The following LRBA variants were observed in gnomAD, a reference collection of about 807,000 sequenced individuals.
LRBA encodes the protein lipopolysaccharide-responsive and beige-like anchor protein.
Under a neutral mutation model 330.0 loss-of-function variants are expected in LRBA, and 176 were observed. The ratio of observed to expected loss-of-function variants is 0.53; its 90% CI spans 0.47 to 0.60. LRBA has a LOEUF of 0.60. Among genes scored for constraint, LRBA ranks in the 20% least tolerant of loss-of-function variants. LRBA has a pLI of 0.00. For missense variants in LRBA, 3,259 were observed against 3,444.8 expected (o/e 0.95, Z 1.35); for synonymous variants, 1,230 against 1,193.0 (o/e 1.03, Z -0.64).
chr4:150,536,381 A>C (rs1764657713), intron 40 of LRBA, among the ~76,000 whole-genome samples: 1 of 152,190 alleles, frequency 6.6e-6, no homozygotes. Flanking sequence ...AGACATAGAA[A>C]AGTATTTAGG....
intron 36 of LRBA, among the ~76,000 whole-genome samples, chr4:150,730,010 G>T (rs1035285844): frequency 6.6e-6 from 1 of 152,108 alleles, no homozygotes; most frequent in Non-Finnish European, 1.5e-5. Flanking sequence ...ATAGATTAAA[G>T]ACTTAAATCT....
chr4:150,384,978 T>A (rs1412470387), intron 47 of LRBA, among the ~76,000 whole-genome samples: 1 of 152,310 alleles, frequency 6.6e-6, no homozygotes, highest in Admixed American at 6.5e-5. Flanking sequence ...AATCTTTATG[T>A]CCTAAACTAT....
At chr4:150,874,389 T>C (rs1199400559) in intron 17 of LRBA, among the ~76,000 whole-genome samples, 3 of 152,124 alleles carry the variant, frequency 2.0e-5, no homozygotes, top group Non-Finnish European at 4.4e-5. Flanking sequence ...GCACACACAA[T>C]TCAAACTGGA....
rs555134497 is a variant in LRBA, at chr4:150,454,962, G to C, written c.6780+12711C>G. On this transcript the variant is annotated intron_variant, in intron 44 of 56. Coordinates refer to ENST00000651943, the MANE Select transcript of LRBA (RefSeq NM_001364905.1). ...TTATTTTTTTTTATTGCTTACTCCA[G>C]TTTTATTTTATTTTTTATTTTTTTT... is the stretch of plus-strand genomic sequence containing the variant. Among the ~76,000 whole-genome samples the C allele has an allele frequency of 6.2e-4, 86 of 139,396 alleles. 1 individual carries two copies. In the East Asian group the frequency reaches 0.016, roughly 26 times the overall value. The allele number at this position is 139,396 out of a possible 152,430, so 91.4% of individuals were successfully genotyped here.
chr4:150,626,838 T>C (rs1158871853), intron 37 of LRBA, among the ~76,000 whole-genome samples: 1 of 152,154 alleles, frequency 6.6e-6, no homozygotes, highest in Non-Finnish European at 1.5e-5. Context: ...ATTAAAGCTA[T>C]ATAACTTGTG....
At chr4:150,430,281 A>G (rs1271106709) in intron 46 of LRBA, among the ~76,000 whole-genome samples, 1 of 152,184 alleles carries the variant, frequency 6.6e-6, no homozygotes, top group Non-Finnish European at 1.5e-5. Flanking sequence ...CAAGGGCAAT[A>G]CATATGTCAA....
At chr4:150,495,068 A>T (rs1240284078) in intron 40 of LRBA, among the ~76,000 whole-genome samples, 2 of 151,992 alleles carry the variant, frequency 1.3e-5, no homozygotes, top group Admixed American at 1.3e-4. Flanking sequence ...AAATCATAAC[A>T]CTTTGCCATA....
At position 150,302,643 on chromosome 4, in the gene LRBA, T is replaced by G. The variant is rs1203527096; in HGVS notation, c.7999A>C (p.Ile2667Leu). The G allele has an allele frequency of 4.3e-6, 7 of 1,609,612 alleles. No individual in the cohort carries two copies. The Admixed American group carries it at 1.0e-4, about 23-fold the overall frequency. The change falls in exon 53 of 57, where the codon ATT becomes CTT. Residue 2667 changes from isoleucine (I) to leucine (L), a missense_variant. Coordinates refer to ENST00000651943, the MANE Select transcript of LRBA (RefSeq NM_001364905.1). Reference protein sequence around the residue: ...LWYWNGKCSGIGDNPGSETAA... With the variant: ...LWYWNGKCSGLGDNPGSETAA... Reference sequence around the variant, plus strand: ...TACTTACTGCCTGGGTTATCTCCAATCCCACTGCATTTTCCATTCCAATAC... The same window carrying G: ...TACTTACTGCCTGGGTTATCTCCAAGCCCACTGCATTTTCCATTCCAATAC...
Position 150,429,646 on chromosome 4 carries a change from A to G in LRBA, c.7041+5943T>C, listed in dbSNP as rs549464319. 1.2e-4 allele frequency among the ~76,000 whole-genome samples: 18 copies of G among 152,216 alleles called. No homozygotes were observed. In the South Asian group the frequency reaches 3.3e-3, roughly 28 times the overall value. On this transcript the variant is annotated intron_variant, in intron 46 of 56. Transcript: ENST00000651943. ...ATCAGGAGAAATGCACAGGCTAGAG[A>G]CATAAATGTGGGAGGTCTGTTAGAC...
intron 35 of LRBA, among the ~76,000 whole-genome samples, chr4:150,759,084 T>C (rs1218674375): frequency 6.6e-6 from 1 of 151,110 alleles, no homozygotes; most frequent in Non-Finnish European, 1.5e-5. Context: ...ACCAGGCTAA[T>C]TGTTTGCATT....
At chr4:150,889,249 T>C (rs1172240875) in intron 17 of LRBA, among the ~76,000 whole-genome samples, 1 of 151,420 alleles carries the variant, frequency 6.6e-6, no homozygotes, top group Non-Finnish European at 1.5e-5. Context: ...GAGTTATTTA[T>C]ATCCTACTGC....
chr4:150,762,850 T>C (rs932524741), intron 34 of LRBA, among the ~76,000 whole-genome samples: 1 of 151,978 alleles, frequency 6.6e-6, no homozygotes, highest in African/African-American at 2.4e-5. Context: ...ATATTCATAT[T>C]TTCTGAGTGT....
At chr4:150,805,250 GGAGAAGGAAAC>G (rs1560840941) in intron 33 of LRBA, among the ~76,000 whole-genome samples, 7 of 131,474 alleles carry the variant, frequency 5.3e-5, no homozygotes, top group Admixed American at 1.9e-4. Flanking sequence ...GAGAAGGAAA[GGAGAAGGAAAC>G]GAGAAGGAAA....
At chr4:150,353,610 T>TAC (rs1737451811) in intron 47 of LRBA, among the ~76,000 whole-genome samples, 1 of 152,126 alleles carries the variant, frequency 6.6e-6, no homozygotes, top group East Asian at 1.9e-4. Flanking sequence ...CTTAAAGCTT[T>TAC]ACATCTTGAT....
At chr4:150,581,451 TC>T in intron 40 of LRBA, 1 of 341,582 alleles carries the variant, frequency 2.9e-6, no homozygotes, top group Non-Finnish European at 5.9e-6. Flanking sequence ...TTAGGTCCTT[TC>T]CCAGATTCCC....
In LRBA at chr4:150,455,102, T is replaced by C. The variant is rs577022574; in HGVS notation, c.6780+12571A>G. On this transcript the variant is annotated intron_variant, in intron 44 of 56. Coordinates refer to ENST00000651943, the MANE Select transcript of LRBA (RefSeq NM_001364905.1). ...AACTCGTCATCTAGCATTAGGTATA[T>C]CTCCCAATGCTATCCCCTCCCCCAC... 8.2e-3 allele frequency among the ~76,000 whole-genome samples: 1,242 copies of C among 151,078 alleles called. 17 individuals are homozygous for C. The highest frequency in any genetic ancestry group is 0.029 in the African/African-American group (1,184 of 41,030).
Position 150,265,507 on chromosome 4 carries a change from T to G in LRBA, c.*215A>C. ...TCATTATGACTAAAAATATAGATTT[T>G]TTAAAACTACAGAACCCAGCAGCCA... On this transcript the variant is annotated 3_prime_UTR_variant, in exon 57 of 57. Coordinates refer to ENST00000651943, the MANE Select transcript of LRBA (RefSeq NM_001364905.1). 5 of 427,164 alleles carry G rather than the reference T, an allele frequency of 1.2e-5. No homozygotes were observed. The South Asian group carries it at 1.3e-4, about 11-fold the overall frequency. 26.5% of individuals were successfully genotyped at this position (427,164 alleles called of 1,614,324 possible).
chr4:150,983,949 A>C (rs1741149653), intron 2 of LRBA, among the ~76,000 whole-genome samples: 1 of 152,176 alleles, frequency 6.6e-6, no homozygotes, highest in Admixed American at 6.5e-5. Context: ...TTTATTTAAC[A>C]AATATTTATT....
In LRBA at chr4:150,326,250, T is replaced by C. The variant is rs80220903; in HGVS notation, c.7363-352A>G. ...CCCCAATGATGAAAAGCTAATCTTT[T>C]ACAGGTATAGAGAAAAACTATTGCT... On this transcript the variant is annotated intron_variant, in intron 48 of 56. Coordinates refer to ENST00000651943, the MANE Select transcript of LRBA (RefSeq NM_001364905.1). Among the ~76,000 whole-genome samples the C allele has an allele frequency of 5.0e-3, 757 of 152,300 alleles. 6 individuals are homozygous for C. The highest frequency in any genetic ancestry group is 0.017 in the African/African-American group (725 of 41,576).
Sources: allele counts gnomAD v4.1 joint callset (sites outside exome capture counted in the v4.1 genomes callset), GRCh38; gene constraint gnomAD v4.1.1; transcripts MANE v1.5; gene names NCBI Gene and HGNC (gene_info 2026-07-23, HGNC 2026-07-21).